C13orf46: variants seen among roughly 807,000 people sequenced by gnomAD.
The protein encoded by C13orf46 is chromosome 13 open reading frame 46, also known as uncharacterized protein C13orf46.
chr13:113,971,316 G>A (rs2052702709), intron 1 of C13orf46, among the ~76,000 whole-genome samples: 1 of 152,250 alleles, frequency 6.6e-6, no homozygotes, highest in Non-Finnish European at 1.5e-5. Flanking sequence ...ACTCCAGGCA[G>A]GTCACTCAGC....
At chr13:113,935,961 T>A in the C13orf46 span, among the ~76,000 whole-genome samples, 2 of 152,224 alleles carry the variant, frequency 1.3e-5, no homozygotes, top group Non-Finnish European at 2.9e-5. Flanking sequence ...CATTTTAAAA[T>A]CTAGAGTTGT....
chr13:113,933,075 G>A, the C13orf46 span, among the ~76,000 whole-genome samples: 72 of 152,256 alleles, frequency 4.7e-4, no homozygotes, highest in East Asian at 0.01. Context: ...ATGTTGCCCA[G>A]GCTGGTCTTG....
intron 2 of C13orf46, among the ~76,000 whole-genome samples, chr13:113,969,938 G>A (rs1341620794): frequency 3.3e-5 from 5 of 152,136 alleles, no homozygotes; most frequent in African/African-American, 9.7e-5. Context: ...ACACCACCCC[G>A]CTACAGGTGG....
intron 5 of C13orf46, among the ~76,000 whole-genome samples, chr13:113,967,121 C>T (rs890272790): frequency 2.0e-5 from 3 of 152,136 alleles, no homozygotes; most frequent in Admixed American, 6.5e-5. Context: ...CTGAAGTGTG[C>T]GTGAGTTGGA....
At chr13:113,933,981 C>T in the C13orf46 span, among the ~76,000 whole-genome samples, 963 of 152,164 alleles carry the variant, frequency 6.3e-3, 8 homozygotes, top group African/African-American at 0.022. Flanking sequence ...GATGTGTGGC[C>T]GCATATGTGG....
At chr13:113,951,606 C>T (rs1047004818), downstream of C13orf46, among the ~76,000 whole-genome samples, 11 of 151,004 alleles carry the variant, frequency 7.3e-5, no homozygotes, top group East Asian at 4.3e-4. Context: ...ACTCGCTCCC[C>T]GCCCCCCATG....
At chr13:113,966,862 T>C (rs1266768509) in intron 5 of C13orf46, among the ~76,000 whole-genome samples, 1 of 152,072 alleles carries the variant, frequency 6.6e-6, no homozygotes, top group African/African-American at 2.4e-5. Context: ...CTCTGAGAGC[T>C]TTCCCAGACA....
chr13:113,944,315 C>A, the C13orf46 span, among the ~76,000 whole-genome samples: 1 of 152,216 alleles, frequency 6.6e-6, no homozygotes. Context: ...CTTGCACCCC[C>A]CTGCCACCCC....
At chr13:113,930,956 C>T in the C13orf46 span, among the ~76,000 whole-genome samples, 1 of 152,204 alleles carries the variant, frequency 6.6e-6, no homozygotes. Flanking sequence ...CAGGCTGGGG[C>T]CTCCACAGAA....
At chr13:113,949,864 T>C (rs2052482107), downstream of C13orf46, among the ~76,000 whole-genome samples, 1 of 118,868 alleles carries the variant, frequency 8.4e-6, no homozygotes, top group South Asian at 3.0e-4. Context: ...CATTCTTGCT[T>C]GAGGGACCTC....
chr13:113,947,909 T>C, the C13orf46 span, among the ~76,000 whole-genome samples: 1 of 152,202 alleles, frequency 6.6e-6, no homozygotes, highest in African/African-American at 2.4e-5. Context: ...CAGCAGTGCT[T>C]TCCCGACCCC....
chr13:113,961,750 C>T (rs1251131759), intron 6 of C13orf46, among the ~76,000 whole-genome samples: 1 of 152,178 alleles, frequency 6.6e-6, no homozygotes, highest in Non-Finnish European at 1.5e-5. Flanking sequence ...TACTGTGATG[C>T]TGTGAAGTGT....
chr13:113,945,605 GAAGA>G, the C13orf46 span, among the ~76,000 whole-genome samples: 14,563 of 93,288 alleles, frequency 0.16, 1,295 homozygotes, highest in East Asian at 0.22. Context: ...AAGAAAGAAA[GAAGA>G]AAGAAAGAAA....
the C13orf46 span, chr13:113,928,094 G>C: frequency 1.3e-4 from 20 of 153,676 alleles, no homozygotes; most frequent in African/African-American, 4.8e-4. Flanking sequence ...TGGAATTTCT[G>C]TTTATCCTTT....
chr13:113,928,997 C>T, the C13orf46 span, among the ~76,000 whole-genome samples: 5 of 152,234 alleles, frequency 3.3e-5, no homozygotes, highest in Non-Finnish European at 5.9e-5. Context: ...ACTGCACTGG[C>T]CGGAACCAAT....
At chr13:113,969,982 A>G (rs2052686954) in intron 2 of C13orf46, among the ~76,000 whole-genome samples, 189 bp downstream of exon 2, 3 of 152,062 alleles carry the variant, frequency 2.0e-5, no homozygotes, top group Admixed American at 1.3e-4. Context: ...TCTCAAAATA[A>G]GGAGGATTTC....
intron 1 of C13orf46, among the ~76,000 whole-genome samples, chr13:113,972,923 G>A (rs938753058): frequency 7.2e-5 from 11 of 152,188 alleles, no homozygotes; most frequent in Admixed American, 2.6e-4. Context: ...CCACAGCTCC[G>A]CCCCAGCAGC....
At chr13:113,946,555 G>A in the C13orf46 span, among the ~76,000 whole-genome samples, 3 of 152,246 alleles carry the variant, frequency 2.0e-5, no homozygotes, top group Admixed American at 6.5e-5. Context: ...AGCTAGGCCA[G>A]CACAAATATC....
intron 6 of C13orf46, 128 bp downstream of exon 6, chr13:113,964,799 G>A (rs1201011740): frequency 6.6e-6 from 1 of 152,256 alleles, no homozygotes; most frequent in African/African-American, 2.4e-5. Context: ...CAGTGCCCAG[G>A]GAGAAGGGGG....
Sources: gnomAD v4.1 joint callset for allele counts (sites outside exome capture counted in the v4.1 genomes callset) on GRCh38, gnomAD v4.1.1 for gene constraint, MANE v1.5 for transcripts, NCBI Gene and HGNC (gene_info 2026-07-23, HGNC 2026-07-21) for gene names.